The following PDE4B variants were observed in gnomAD, a reference collection of about 807,000 sequenced individuals.
PDE4B encodes phosphodiesterase 4B, also known as 3',5'-cyclic-AMP phosphodiesterase 4B.
In PDE4B, 20 loss-of-function variants were observed where a neutral mutation model predicts 82.2. That is an observed-to-expected ratio of 0.24 (90% CI 0.17 to 0.35). The LOEUF is 0.35. Among genes scored for constraint, PDE4B ranks in the 10% least tolerant of loss-of-function variants. The pLI, the probability that PDE4B is intolerant of heterozygous loss-of-function variation, is 1.00. For synonymous variants in PDE4B, 320 were observed against 318.9 expected (o/e 1.00, Z -0.04); for missense variants, 655 against 907.2 (o/e 0.72, Z 3.57).
At chr1:66,210,026 A>C (rs572594726) in intron 3 of PDE4B, among the ~76,000 whole-genome samples, 1 of 152,210 alleles carries the variant, frequency 6.6e-6, no homozygotes, top group Non-Finnish European at 1.5e-5. Flanking sequence ...GTTGTCCAAA[A>C]GAATTTCTTG....
At chr1:66,332,681 A>T in intron 8 of PDE4B, 61 bp downstream of exon 8, 1 of 1,399,826 alleles carries the variant, frequency 7.1e-7, no homozygotes, top group Non-Finnish European at 1.0e-6. Flanking sequence ...AGCTCCCCTC[A>T]CCCCTGTCTG....
chr1:65,869,909 C>G (rs1364497674), intron 1 of PDE4B, among the ~76,000 whole-genome samples: 1 of 151,842 alleles, frequency 6.6e-6, no homozygotes, highest in African/African-American at 2.4e-5. Context: ...GAAATCCTCT[C>G]ATAAGGCAAT....
rs146803950 is a variant in PDE4B, at chr1:66,231,980, C to G, written c.282-15480C>G. 2.4e-4 allele frequency among the ~76,000 whole-genome samples: 36 copies of G among 152,274 alleles called. No individual in the cohort carries two copies. The South Asian group carries it at 3.5e-3, about 15-fold the overall frequency. On this transcript the variant is annotated intron_variant, in intron 3 of 16. Transcript: ENST00000341517. ...CCTGACTGGTTCCACCTTAATTTGG[C>G]TTTGGGGAATGAAATTGGGGACTGT...
intron 3 of PDE4B, among the ~76,000 whole-genome samples, chr1:66,182,171 T>C (rs1228949188): frequency 3.9e-5 from 6 of 152,158 alleles, no homozygotes; most frequent in Non-Finnish European, 1.5e-5. Flanking sequence ...GAGCACTAGC[T>C]TCCTTCCTGT....
chr1:65,797,821 C>T (rs923262784), intron 1 of PDE4B, among the ~76,000 whole-genome samples: 5 of 151,900 alleles, frequency 3.3e-5, no homozygotes, highest in African/African-American at 9.7e-5. Context: ...GGTTAGGAGT[C>T]GGGAGACTCT....
intron 8 of PDE4B, among the ~76,000 whole-genome samples, chr1:66,348,886 G>A (rs2101981862): frequency 6.6e-6 from 1 of 152,116 alleles, no homozygotes; most frequent in Middle Eastern, 3.4e-3. Context: ...CATCACTGCA[G>A]CAACTTTCAG....
chr1:65,946,335 G>A (rs1425267139), intron 3 of PDE4B, among the ~76,000 whole-genome samples: 1 of 152,100 alleles, frequency 6.6e-6, no homozygotes, highest in African/African-American at 2.4e-5. Flanking sequence ...TATCTGTGGT[G>A]TGCTAGTAAA....
intron 7 of PDE4B, among the ~76,000 whole-genome samples, chr1:66,275,664 G>A (rs1238955304): frequency 1.3e-5 from 2 of 152,066 alleles, no homozygotes; most frequent in South Asian, 2.1e-4. Flanking sequence ...CTGGGGGCAG[G>A]GTGAATTCTG....
At chr1:65,911,846 C>T (rs577719051) in intron 1 of PDE4B, among the ~76,000 whole-genome samples, 1 of 152,240 alleles carries the variant, frequency 6.6e-6, no homozygotes, top group African/African-American at 2.4e-5. Flanking sequence ...GTTTCACTGC[C>T]AACTCCTGCA....
intron 3 of PDE4B, among the ~76,000 whole-genome samples, chr1:65,931,893 C>A (rs747507846): frequency 3.3e-5 from 5 of 152,186 alleles, no homozygotes; most frequent in African/African-American, 7.2e-5. Flanking sequence ...AGTCTTGGAG[C>A]AGTAATGGAA....
chr1:65,892,673 T>C (rs956621708), intron 1 of PDE4B, among the ~76,000 whole-genome samples: 4 of 152,042 alleles, frequency 2.6e-5, no homozygotes, highest in African/African-American at 7.2e-5. Flanking sequence ...TCATCAGTTA[T>C]CCTTTTACCA....
intron 3 of PDE4B, among the ~76,000 whole-genome samples, chr1:65,956,502 T>C (rs139422315): frequency 6.6e-4 from 100 of 152,222 alleles, no homozygotes; most frequent in Middle Eastern, 3.4e-3. Flanking sequence ...AACTATTATA[T>C]ACTGTTTTAG....
chr1:65,921,011 C>A (rs1214239262), intron 3 of PDE4B, among the ~76,000 whole-genome samples: 2 of 138,312 alleles, frequency 1.4e-5, no homozygotes, highest in Non-Finnish European at 3.1e-5. Flanking sequence ...CTCTGTCGCC[C>A]AGGCTGGAGT....
chr1:66,370,069 T>G (rs1205248388), intron 16 of PDE4B, among the ~76,000 whole-genome samples: 1 of 146,124 alleles, frequency 6.8e-6, no homozygotes, highest in African/African-American at 2.6e-5. Context: ...GAAAATTGCT[T>G]GAACCCAGGA....
chr1:66,178,230 T>C (rs1175014117), intron 3 of PDE4B, among the ~76,000 whole-genome samples: 1 of 152,098 alleles, frequency 6.6e-6, no homozygotes, highest in African/African-American at 2.4e-5. Context: ...TTTAAATATC[T>C]ACTCTATGCC....
intron 1 of PDE4B, among the ~76,000 whole-genome samples, chr1:65,866,452 GCAA>G (rs922076986): frequency 2.6e-5 from 4 of 152,042 alleles, no homozygotes; most frequent in East Asian, 1.9e-4. Flanking sequence ...AATAAAGTCA[GCAA>G]CAACAACAAT....
intron 1 of PDE4B, among the ~76,000 whole-genome samples, chr1:65,887,157 T>A (rs1344402838): frequency 6.9e-6 from 1 of 145,798 alleles, no homozygotes; most frequent in Non-Finnish European, 1.5e-5. Context: ...TTCCTTTCCT[T>A]CCTTCCTTCC....
chr1:66,076,508 C>G (rs1385553821), intron 3 of PDE4B, among the ~76,000 whole-genome samples: 2 of 151,978 alleles, frequency 1.3e-5, no homozygotes, highest in Admixed American at 6.6e-5. Flanking sequence ...TTTGGTAGAA[C>G]AGTTTATTTT....
At chr1:66,077,625 C>T (rs1173964041) in intron 3 of PDE4B, among the ~76,000 whole-genome samples, 1 of 152,052 alleles carries the variant, frequency 6.6e-6, no homozygotes, top group African/African-American at 2.4e-5. Flanking sequence ...CTGGTCTGCC[C>T]TGCAATAGTA....
Sources: gnomAD v4.1 joint callset for allele counts (sites outside exome capture counted in the v4.1 genomes callset) on GRCh38, gnomAD v4.1.1 for gene constraint, MANE v1.5 for transcripts, NCBI Gene and HGNC (gene_info 2026-07-23, HGNC 2026-07-21) for gene names.